The following CTNND2 variants were observed in gnomAD, a reference collection of about 807,000 sequenced individuals.
CTNND2 encodes catenin delta 2, also known as catenin delta-2.
CTNND2 carries 22 observed loss-of-function variants against 144.4 expected under a neutral mutation model. The observed-to-expected ratio is 0.15, with a 90% CI of 0.11 to 0.22. The LOEUF (loss-of-function observed/expected upper bound fraction) is 0.22, where lower values mean the gene tolerates loss of function less well. Among genes scored for constraint, CTNND2 ranks in the 10% least tolerant of loss-of-function variants. The pLI, the probability that CTNND2 is intolerant of heterozygous loss-of-function variation, is 1.00. For missense variants in CTNND2, 1,353 were observed against 1,618.8 expected, an observed-to-expected ratio of 0.84 and a Z score of 2.82; for synonymous variants, 751 against 695.6, an observed-to-expected ratio of 1.08 and a Z score of -1.25.
chr5:11,242,146 G>A (rs1742521121), intron 9 of CTNND2, among the ~76,000 whole-genome samples: 1 of 152,154 alleles, frequency 6.6e-6, no homozygotes, highest in Admixed American at 6.5e-5. Flanking sequence ...AAAAGAAATC[G>A]AGTAAGATTT....
intron 14 of CTNND2, among the ~76,000 whole-genome samples, chr5:11,109,306 A>C (rs1369040524): frequency 1.3e-5 from 2 of 152,204 alleles, no homozygotes; most frequent in African/African-American, 4.8e-5. Flanking sequence ...ATGGTTCAAT[A>C]GCAACCATTT....
chr5:11,263,549 G>T (rs1745133632), intron 9 of CTNND2, among the ~76,000 whole-genome samples: 1 of 151,998 alleles, frequency 6.6e-6, no homozygotes. Flanking sequence ...GAGAAAGAGT[G>T]AAGACAGAGG....
rs76024502 is a variant in CTNND2 at position 11,340,789 on chromosome 5, T to G, written c.1628+5583A>C. 2.2e-3 allele frequency among the ~76,000 whole-genome samples: 332 copies of G among 152,316 alleles called. 1 individual carries two copies. The highest frequency in any genetic ancestry group is 7.6e-3 in the African/African-American group (314 of 41,570). ...AGAAACACGAGACTGAAAGTCAGAT[T>G]TGGGTTCTGTTTCCACCTCTCTGAG... On this transcript the variant is annotated intron_variant, in intron 9 of 21. Coordinates refer to ENST00000304623, the MANE Select transcript of CTNND2 (RefSeq NM_001332.4).
intron 11 of CTNND2, among the ~76,000 whole-genome samples, chr5:11,171,074 A>G (rs1271013506): frequency 6.6e-6 from 1 of 152,142 alleles, no homozygotes; most frequent in Non-Finnish European, 1.5e-5. Context: ...CAATTCAAGA[A>G]GAGATTTGGG....
intron 3 of CTNND2, among the ~76,000 whole-genome samples, chr5:11,438,209 T>C (rs1027165065): frequency 6.6e-6 from 1 of 152,180 alleles, no homozygotes; most frequent in African/African-American, 2.4e-5. Context: ...GGGATACCAA[T>C]TACAAAAATA....
intron 1 of CTNND2, among the ~76,000 whole-genome samples, chr5:11,824,776 G>A (rs184615255): frequency 6.6e-6 from 1 of 152,270 alleles, no homozygotes; most frequent in Admixed American, 6.5e-5. Context: ...TTACTTCTGA[G>A]GAAGGATAAG....
Position 11,384,884 on chromosome 5 carries a change from C to A in CTNND2, c.958G>T (p.Val320Phe), listed in dbSNP as rs1561313893. The A allele has an allele frequency of 6.2e-7, 1 of 1,611,344 alleles. No homozygotes were observed. Among genetic ancestry groups the A allele is most frequent in the African/African-American group, 1.3e-5 (1 of 74,794 alleles). The change falls in exon 7 of 22, where the codon GTC (valine) becomes TTC (phenylalanine). Residue 320 changes from valine to phenylalanine, a missense_variant. Coordinates refer to ENST00000304623, the MANE Select transcript of CTNND2 (RefSeq NM_001332.4). The surrounding 1 kb of genome is among the most constrained non-coding windows in gnomAD (Gnocchi z 5.2). ...GGGGACAGGCCGGCCGAGGACACGA[C>A]GATGTTGATGGGCGAGCTGGTGCTG... ...SYSTSSPINIVVSSAGLSPIR... is the reference protein window; with the variant it reads ...SYSTSSPINIFVSSAGLSPIR...
intron 2 of CTNND2, among the ~76,000 whole-genome samples, chr5:11,663,953 T>C (rs942178524): frequency 6.6e-6 from 1 of 152,150 alleles, no homozygotes; most frequent in African/African-American, 2.4e-5. Context: ...TTAGCATTTC[T>C]TAGCAAGCCA....
chr5:11,636,445 T>G (rs1321843437), intron 2 of CTNND2, among the ~76,000 whole-genome samples: 1 of 152,164 alleles, frequency 6.6e-6, no homozygotes, highest in African/African-American at 2.4e-5. Flanking sequence ...TTTGTAATTA[T>G]GGAAATAAAA....
intron 16 of CTNND2, among the ~76,000 whole-genome samples, chr5:11,034,797 T>C (rs904827931): frequency 6.6e-6 from 1 of 152,156 alleles, no homozygotes; most frequent in African/African-American, 2.4e-5. Context: ...CATTTTTTAT[T>C]GTGTTTATTG....
chr5:11,298,897 A>C (rs1456310429), intron 9 of CTNND2, among the ~76,000 whole-genome samples: 1 of 152,196 alleles, frequency 6.6e-6, no homozygotes, highest in African/African-American at 2.4e-5. Context: ...AAAATGATTT[A>C]TACTTGGTAA....
chr5:11,471,363 A>C (rs1217026034), intron 3 of CTNND2, among the ~76,000 whole-genome samples: 2 of 152,202 alleles, frequency 1.3e-5, no homozygotes. Context: ...AGTCTAAAAA[A>C]TGAATGTAAA....
At chr5:11,820,401 A>C in intron 1 of CTNND2, among the ~76,000 whole-genome samples, 1 of 152,206 alleles carries the variant, frequency 6.6e-6, no homozygotes, top group East Asian at 1.9e-4. Flanking sequence ...ACTGGAGGTA[A>C]AAATTAAAAT....
chr5:11,488,846 C>G (rs1769102139), intron 3 of CTNND2, among the ~76,000 whole-genome samples: 1 of 152,178 alleles, frequency 6.6e-6, no homozygotes, highest in Non-Finnish European at 1.5e-5. Context: ...TTTTGTCACC[C>G]AGCATAATGT....
intron 9 of CTNND2, among the ~76,000 whole-genome samples, chr5:11,301,663 T>C (rs1412317249): frequency 6.6e-6 from 1 of 152,166 alleles, no homozygotes; most frequent in African/African-American, 2.4e-5. Flanking sequence ...TCACTCAGCA[T>C]TGCAATATAA....
intron 16 of CTNND2, among the ~76,000 whole-genome samples, chr5:11,034,274 A>G (rs1022544230): frequency 6.6e-6 from 1 of 152,220 alleles, no homozygotes; most frequent in Non-Finnish European, 1.5e-5. Flanking sequence ...GGTTTATTAA[A>G]CAGATAAGCT....
intron 1 of CTNND2, among the ~76,000 whole-genome samples, chr5:11,737,832 C>G (rs1464630543): frequency 6.6e-6 from 1 of 152,148 alleles, no homozygotes; most frequent in Non-Finnish European, 1.5e-5. Context: ...TACACAAAGA[C>G]AGAAAGCCAT....
intron 12 of CTNND2, among the ~76,000 whole-genome samples, chr5:11,155,392 T>A (rs1391540011): frequency 6.6e-6 from 1 of 152,226 alleles, no homozygotes; most frequent in African/African-American, 2.4e-5. Context: ...TATTCTTACA[T>A]CCTAAGCCTC....
intron 8 of CTNND2, among the ~76,000 whole-genome samples, chr5:11,355,242 G>A (rs1269630531): frequency 1.3e-5 from 2 of 151,926 alleles, no homozygotes; most frequent in Non-Finnish European, 2.9e-5. Flanking sequence ...AACAATAAAG[G>A]TGTGTTTATT....
Sources: gnomAD v4.1 joint callset for allele counts (sites outside exome capture counted in the v4.1 genomes callset) on GRCh38, gnomAD v4.1.1 for gene constraint, Gnocchi (gnomAD v3.1) non-coding constraint, MANE v1.5 for transcripts, NCBI Gene and HGNC (gene_info 2026-07-23, HGNC 2026-07-21) for gene names.